The following LGR4 variants were observed in gnomAD, a reference collection of about 807,000 sequenced individuals.
LGR4 encodes the protein leucine-rich repeat-containing G protein-coupled receptor 4.
A neutral mutation model predicts 84.8 loss-of-function variants in LGR4; 44 were observed. The observed-to-expected ratio is 0.52, with a 90% CI of 0.41 to 0.67. The LOEUF is 0.67. LGR4 is among the 30% of genes least tolerant of loss of function. The pLI, the probability that LGR4 is intolerant of heterozygous loss-of-function variation, is 0.00. For synonymous variants in LGR4, 429 were observed against 434.3 expected, an observed-to-expected ratio of 0.99 and a Z score of 0.15; for missense variants, 1,032 against 1,131.4, an observed-to-expected ratio of 0.91 and a Z score of 1.26.
chr11:27,425,298 C>T (rs1371457723), intron 1 of LGR4, among the ~76,000 whole-genome samples: 3 of 151,026 alleles, frequency 2.0e-5, no homozygotes, highest in African/African-American at 4.9e-5. Context: ...CTGGTACAAT[C>T]GCAGTTTATA....
chr11:27,374,212 C>G (rs1231379956), intron 13 of LGR4, among the ~76,000 whole-genome samples, 166 bp from the exon 14 acceptor site: 2 of 152,186 alleles, frequency 1.3e-5, no homozygotes, highest in Admixed American at 1.3e-4. Flanking sequence ...TTGAATGCCT[C>G]TCCTTCACAA....
intron 1 of LGR4, among the ~76,000 whole-genome samples, chr11:27,415,660 T>C (rs1208577334): frequency 6.6e-6 from 1 of 152,150 alleles, no homozygotes; most frequent in African/African-American, 2.4e-5. Context: ...CCCGGAGAAG[T>C]TCCCTCTTTA....
At chr11:27,453,592 C>T (rs554417567) in intron 1 of LGR4, among the ~76,000 whole-genome samples, 1 of 152,124 alleles carries the variant, frequency 6.6e-6, no homozygotes, top group African/African-American at 2.4e-5. Context: ...TAATCCCCCA[C>T]CCCCCTGCCA....
At chr11:27,424,740 G>A (rs774029717) in intron 1 of LGR4, among the ~76,000 whole-genome samples, 2 of 152,060 alleles carry the variant, frequency 1.3e-5, no homozygotes, top group Non-Finnish European at 2.9e-5. Flanking sequence ...ATTAAGATTA[G>A]GTTTTTTGTC....
rs750714025 is a variant in LGR4, at chr11:27,380,313, T to C, written c.929A>G (p.Gln310Arg). The C allele has an allele frequency of 1.1e-5, 17 of 1,611,830 alleles. No homozygotes were observed. The African/African-American group carries it at 2.0e-4, about 19-fold the overall frequency. The change falls in exon 10 of 18, where the codon CAG becomes CGG. Residue 310 changes from glutamine to arginine, a missense_variant. Transcript: ENST00000379214. ...AGTTCCTGTAAGATTGGGGAACTGC[T>C]GCACCATGCTTGCACCACGAATGAC... ...SLVIRGASMV[Q>R]QFPNLTGTVH... is the part of the protein sequence containing the mutation.
At position 27,385,402 on chromosome 11, in the gene LGR4, C is replaced by T. The variant is rs780191196; in HGVS notation, c.468G>A (p.Arg156=). 18 of 1,612,350 alleles carry T rather than the reference C, an allele frequency of 1.1e-5. No homozygotes were observed. Among genetic ancestry groups the T allele is most frequent in the South Asian group, 1.0e-4 (9 of 90,406 alleles). The change falls in exon 5 of 18, where the codon CGG becomes CGA. Residue 156 remains arginine, a synonymous_variant. Coordinates refer to ENST00000379214, the MANE Select transcript of LGR4 (RefSeq NM_018490.5). ...AGCTGTTGTCATCCAGCCACAGATG[C>T]CGTAACTGAACAAGTCCTTCAAAAC... ...EDSFEGLVQL[R]HLWLDDNSLT...
At chr11:27,375,990 T>C (rs1184403300) in intron 13 of LGR4, among the ~76,000 whole-genome samples, 65 of 152,012 alleles carry the variant, frequency 4.3e-4, no homozygotes, top group Admixed American at 4.2e-3. Context: ...TTTTTTTTTT[T>C]TTTGAGACGG....
intron 1 of LGR4, among the ~76,000 whole-genome samples, chr11:27,445,564 C>T (rs78728503): frequency 8.5e-5 from 13 of 152,172 alleles, no homozygotes; most frequent in African/African-American, 1.7e-4. Context: ...CCTCCCCCAA[C>T]GAATACAGCA....
chr11:27,366,901 C>T lies in LGR4; in HGVS notation c.*966G>A, dbSNP rs758494855. Reference sequence around the variant, plus strand: ...AGTACTTCGTGTCATAATTACTCCCCGTTTCGTCTAATTAAATGCAAGTAT... The same window carrying T: ...AGTACTTCGTGTCATAATTACTCCCTGTTTCGTCTAATTAAATGCAAGTAT... On this transcript the variant is annotated 3_prime_UTR_variant, in exon 18 of 18. Transcript: ENST00000379214. The T allele has an allele frequency of 5.9e-5, 9 of 152,214 alleles. 1 individual carries two copies. The East Asian group carries it at 1.3e-3, about 23-fold the overall frequency. 9.4% of individuals were successfully genotyped at this position (152,214 alleles called of 1,614,324 possible).
intron 1 of LGR4, among the ~76,000 whole-genome samples, chr11:27,463,984 T>C (rs1252241419): frequency 6.6e-6 from 1 of 152,218 alleles, no homozygotes; most frequent in Admixed American, 6.5e-5. Context: ...TCTGAATTAA[T>C]TTAGTACCTA....
chr11:27,442,628 A>G (rs1864322834), intron 1 of LGR4, among the ~76,000 whole-genome samples: 1 of 152,230 alleles, frequency 6.6e-6, no homozygotes, highest in Non-Finnish European at 1.5e-5. Flanking sequence ...AAGATTACAG[A>G]GCAAAACAGC....
At chr11:27,451,220 C>A (rs745898452) in intron 1 of LGR4, among the ~76,000 whole-genome samples, 3 of 152,066 alleles carry the variant, frequency 2.0e-5, no homozygotes, top group Non-Finnish European at 4.4e-5. Context: ...CTGTTTAGAA[C>A]CATTTAGTTT....
At chr11:27,378,431 T>C (rs1015641566) in intron 11 of LGR4, among the ~76,000 whole-genome samples, 10 of 151,962 alleles carry the variant, frequency 6.6e-5, no homozygotes, top group African/African-American at 2.4e-4. Flanking sequence ...AAGAGCAGGA[T>C]GAGAAAAAAT....
intron 17 of LGR4, among the ~76,000 whole-genome samples, chr11:27,369,673 A>G (rs1862844775): frequency 6.6e-6 from 1 of 152,224 alleles, no homozygotes; most frequent in African/African-American, 2.4e-5. Flanking sequence ...CTGGATATAT[A>G]GTTAGACTTC....
Position 27,385,454 on chromosome 11 carries a change from T to C in LGR4, c.416A>G (p.Asn139Ser), listed in dbSNP as rs1863170584. ...GTCCTCGGGGACTGAGGTAATATGGTTGGCATCTAAACGCCTAACAGAAAC... is the reference window on the plus strand; with the variant it reads ...GTCCTCGGGGACTGAGGTAATATGGCTGGCATCTAAACGCCTAACAGAAAC... ...SALQSLRLDA[N>S]HITSVPEDSF... is the part of the protein sequence containing the mutation. The change falls in exon 5 of 18, where the codon AAC (asparagine) becomes AGC (serine). Residue 139 changes from asparagine to serine, a missense_variant. Physicochemically the swap from Asn to Ser is conservative, Grantham distance 46. Transcript: ENST00000379214. The C allele has an allele frequency of 1.2e-6, 2 of 1,603,364 alleles. No individual in the cohort carries two copies. The highest frequency in any genetic ancestry group is 1.7e-6 in the Non-Finnish European group (2 of 1,175,060).
intron 1 of LGR4, among the ~76,000 whole-genome samples, chr11:27,471,322 G>A (rs1864867908): frequency 6.6e-6 from 1 of 152,230 alleles, no homozygotes; most frequent in Non-Finnish European, 1.5e-5. Flanking sequence ...GAAACCTGCT[G>A]CTACCTTGCA....
In LGR4 at chr11:27,372,390, G is replaced by A; in HGVS notation, c.1388C>T (p.Ser463Leu). The change falls in exon 16 of 18, where the codon TCA becomes TTA. Residue 463 changes from serine (S) to leucine (L), a missense_variant. Ser to Leu is a moderately radical substitution (Grantham distance 145). Transcript: ENST00000379214. ...ACAGCACTGATAAGCATATGGTACTGATAAAGACCTGGAAAAAAAAGTTGT... is the reference window on the plus strand; with the variant it reads ...ACAGCACTGATAAGCATATGGTACTAATAAAGACCTGGAAAAAAAAGTTGT... ...AKDFVNLRSL[S>L]VPYAYQCCAF... The A allele has an allele frequency of 1.3e-6, 2 of 1,598,882 alleles. No individual in the cohort carries two copies. The highest frequency in any genetic ancestry group is 1.7e-6 in the Non-Finnish European group (2 of 1,166,484).
At chr11:27,409,816 A>G (rs1044089237) in intron 2 of LGR4, among the ~76,000 whole-genome samples, 1 of 152,102 alleles carries the variant, frequency 6.6e-6, no homozygotes. Flanking sequence ...TAATTCCTAC[A>G]TGTCCTTCAA....
chr11:27,467,196 C>T (rs1462884528), intron 1 of LGR4, among the ~76,000 whole-genome samples: 1 of 152,088 alleles, frequency 6.6e-6, no homozygotes, highest in South Asian at 2.1e-4. Flanking sequence ...GAAGAGTCTC[C>T]TGGGTTGGTG....
Sources: gnomAD v4.1 joint callset for allele counts (sites outside exome capture counted in the v4.1 genomes callset) on GRCh38, gnomAD v4.1.1 for gene constraint, MANE v1.5 for transcripts, NCBI Gene and HGNC (gene_info 2026-07-23, HGNC 2026-07-21) for gene names.